DERL1: variants seen among roughly 807,000 people sequenced by gnomAD.
The protein encoded by DERL1 is derlin 1.
A neutral mutation model predicts 41.6 loss-of-function variants in DERL1; 24 were observed. That is an observed-to-expected ratio of 0.58 (90% CI 0.42 to 0.81). The LOEUF (loss-of-function observed/expected upper bound fraction) is 0.81, where lower values mean the gene tolerates loss of function less well. Ranked by LOEUF, DERL1 falls within the 30% of genes least tolerant of loss-of-function variation. The probability of loss-of-function intolerance (pLI) is 0.00; values close to 1 mark genes in which losing one functional copy is unlikely to be tolerated. For synonymous variants in DERL1, 124 were observed against 112.5 expected (o/e 1.10, Z -0.65); for missense variants, 260 against 314.3 (o/e 0.83, Z 1.31).
rs778478169 is a variant in DERL1 at position 123,030,701 on chromosome 8, T to C, written c.169A>G (p.Thr57Ala). The C allele has an allele frequency of 3.8e-5, 62 of 1,612,144 alleles. No individual in the cohort carries two copies. The highest frequency in any genetic ancestry group is 5.3e-5 in the Non-Finnish European group (62 of 1,178,944). The change falls in exon 2 of 8, where the codon ACT (threonine) becomes GCT (alanine). Residue 57 changes from threonine to alanine, a missense_variant. Transcript: ENST00000259512. Reference sequence around the variant, plus strand: ...CCCACAGGGAAATAAAAGGTGGCAGTGATTGGCCTCCAAATCTGTCCAGAT... The same window carrying C: ...CCCACAGGGAAATAAAAGGTGGCAGCGATTGGCCTCCAAATCTGTCCAGAT... ...LYRFQIWRPI[T>A]ATFYFPVGPG...
Position 123,030,655 on chromosome 8 carries a change from TAAAG to T in DERL1, c.211_214del (p.Leu71IlefsTer39). The stretch of plus-strand genomic sequence containing the variant: ...ATATAAGAAATATAAATTGACCAAA[TAAAG>T]AAATCCAGTTCCTGGACCCACAGGG... On this transcript the variant is annotated frameshift_variant, in exon 2 of 8. Coordinates refer to ENST00000259512, the MANE Select transcript of DERL1 (RefSeq NM_024295.6). LOFTEE classifies it high-confidence loss of function. 1 of 1,612,224 alleles carries T rather than the reference TAAAG, an allele frequency of 6.2e-7. No individual in the cohort carries two copies. Among genetic ancestry groups the T allele is most frequent in the Non-Finnish European group, 8.5e-7 (1 of 1,179,400 alleles).
intron 7 of DERL1, 47 bp from the exon 8 acceptor site, chr8:123,015,632 C>T: frequency 1.3e-6 from 2 of 1,573,996 alleles, no homozygotes; most frequent in Non-Finnish European, 1.7e-6. Flanking sequence ...AGAACAAAGT[C>T]ACTTCCACAT....
At position 123,023,697 on chromosome 8, in the gene DERL1, T is replaced by C; in HGVS notation, c.357+16A>G. The C allele has an allele frequency of 6.2e-7, 1 of 1,604,008 alleles. No individual in the cohort carries two copies. The highest frequency in any genetic ancestry group is 8.5e-7 in the Non-Finnish European group (1 of 1,175,392). ...ACAAATAAAAGGGCAAATAGATAGT[T>C]TAAATGGACACTTACCTGCATATCC... is the stretch of plus-strand genomic sequence containing the variant. On this transcript the variant is annotated intron_variant, in intron 4 of 7. Transcript: ENST00000259512.
rs758168395 is a variant in DERL1, at chr8:123,021,490, A to ACTG, written c.462_463insCAG (p.Tyr154_Leu155insGln). 1 of 1,613,842 alleles carries ACTG rather than the reference A, an allele frequency of 6.2e-7. No individual in the cohort carries two copies. The highest frequency in any genetic ancestry group is 8.5e-7 in the Non-Finnish European group (1 of 1,179,758). The stretch of plus-strand genomic sequence containing the variant: ...TTGAATCCAAGGATAACCCAGGGTA[A>ACTG]ATAGCAGGCCTAGGATGGAATGAAT... On this transcript the variant is annotated inframe_insertion, in exon 6 of 8. Coordinates refer to ENST00000259512, the MANE Select transcript of DERL1 (RefSeq NM_024295.6).
intron 1 of DERL1, among the ~76,000 whole-genome samples, chr8:123,041,473 T>C (rs1433904942): frequency 6.6e-6 from 1 of 152,168 alleles, no homozygotes; most frequent in African/African-American, 2.4e-5. Flanking sequence ...TGCAGAACAA[T>C]ACACTCGTTC....
intron 7 of DERL1, chr8:123,017,623 T>G (rs1814611268): frequency 6.6e-6 from 1 of 152,188 alleles, no homozygotes; most frequent in African/African-American, 2.4e-5. Flanking sequence ...GCAGAAGGAC[T>G]TCCCCCAACA....
rs1445620812 is a variant in DERL1 at position 123,015,459 on chromosome 8, A to G, written c.744T>C (p.Leu248=). The change falls in exon 8 of 8, where the codon CTT becomes CTC. Residue 248 remains leucine (L), a synonymous_variant. Coordinates refer to ENST00000259512, the MANE Select transcript of DERL1 (RefSeq NM_024295.6). ...CGAGGCCGCCCCTTCACTGGTCTCC[A>G]AGTCGAAAGCCCTGGCCCCAGTTGT... is the stretch of plus-strand genomic sequence containing the variant. The part of the protein sequence containing the change: ...GRHNWGQGFR[L]GDQ 6.2e-7 allele frequency: 1 copy of G among 1,613,002 alleles called. No homozygotes were observed. The highest frequency in any genetic ancestry group is 1.3e-5 in the African/African-American group (1 of 75,012).
intron 2 of DERL1, among the ~76,000 whole-genome samples, chr8:123,027,115 G>A (rs1382311106): frequency 6.6e-6 from 1 of 151,886 alleles, no homozygotes; most frequent in Non-Finnish European, 1.5e-5. Flanking sequence ...GACCAACATG[G>A]TGAAAACCTG....
At chr8:123,016,596 T>C (rs1361478617) in intron 7 of DERL1, 2 of 152,196 alleles carry the variant, frequency 1.3e-5, no homozygotes, top group African/African-American at 4.8e-5. Context: ...AATAACCCCA[T>C]GAGGTAGGCA....
chr8:123,037,725 G>A (rs992506983), intron 1 of DERL1, among the ~76,000 whole-genome samples: 3 of 152,186 alleles, frequency 2.0e-5, no homozygotes, highest in African/African-American at 7.2e-5. Flanking sequence ...TTGACTCAAC[G>A]AAATAGAAAC....
At chr8:123,023,327 G>C (rs1235442303) in intron 4 of DERL1, among the ~76,000 whole-genome samples, 1 of 152,172 alleles carries the variant, frequency 6.6e-6, no homozygotes, top group Admixed American at 6.5e-5. Flanking sequence ...GGAGGCCGAG[G>C]CAGGCGGATC....
At chr8:123,033,368 T>C (rs1399034253) in intron 1 of DERL1, among the ~76,000 whole-genome samples, 1 of 152,254 alleles carries the variant, frequency 6.6e-6, no homozygotes, top group Non-Finnish European at 1.5e-5. Context: ...TCATAGCTTT[T>C]AGAGTTGTCT....
rs1314675139 is a variant in DERL1, at chr8:123,015,030, T to C, written c.*417A>G. On this transcript the variant is annotated 3_prime_UTR_variant, in exon 8 of 8. Coordinates refer to ENST00000259512, the MANE Select transcript of DERL1 (RefSeq NM_024295.6). ...CAATTTTATGGGCAACCTCTTCTAG[T>C]TGCAAATGTGGGGGTTGGGAAAAGT... is the stretch of plus-strand genomic sequence containing the variant. 6.4e-6 allele frequency: 1 copy of C among 155,128 alleles called. No individual in the cohort carries two copies. The highest frequency in any genetic ancestry group is 1.4e-5 in the Non-Finnish European group (1 of 70,062). The allele number at this position is 155,128 out of a possible 1,614,324, so 9.6% of individuals were successfully genotyped here. A position where few individuals can be genotyped will look rare whatever the true frequency, so the allele number is the denominator to read the frequency against.
At chr8:123,026,279 A>G (rs1812688956) in intron 2 of DERL1, among the ~76,000 whole-genome samples, 2 of 152,116 alleles carry the variant, frequency 1.3e-5, no homozygotes, top group Admixed American at 1.3e-4. Flanking sequence ...TTCTAACACA[A>G]TTTCCCGATT....
intron 2 of DERL1, among the ~76,000 whole-genome samples, chr8:123,025,952 G>A (rs1812678431): frequency 6.6e-6 from 1 of 151,252 alleles, no homozygotes; most frequent in African/African-American, 2.4e-5. Flanking sequence ...AATTCCTAAT[G>A]CCTTCAGTTA....
chr8:123,041,048 A>G (rs2130501804), intron 1 of DERL1, among the ~76,000 whole-genome samples: 1 of 152,308 alleles, frequency 6.6e-6, no homozygotes, highest in African/African-American at 2.4e-5. Context: ...AATGAATGAG[A>G]CCACCTAAAG....
intron 1 of DERL1, among the ~76,000 whole-genome samples, chr8:123,036,080 C>T (rs1025919131): frequency 6.6e-6 from 1 of 152,082 alleles, no homozygotes; most frequent in African/African-American, 2.4e-5. Context: ...GGCACTTAAT[C>T]TTTAAAAAGA....
intron 1 of DERL1, among the ~76,000 whole-genome samples, chr8:123,041,749 ACC>A (rs1338043098): frequency 6.6e-6 from 1 of 151,742 alleles, no homozygotes; most frequent in Non-Finnish European, 1.5e-5. Flanking sequence ...AGTGAAGTCA[ACC>A]CCTCCCCACC....
chr8:123,040,526 C>T (rs1229124829), intron 1 of DERL1, among the ~76,000 whole-genome samples: 1 of 152,152 alleles, frequency 6.6e-6, no homozygotes. Context: ...GCAGCAGGGG[C>T]CTTGCAGGCC....
Sources: allele counts gnomAD v4.1 joint callset (sites outside exome capture counted in the v4.1 genomes callset), GRCh38; gene constraint gnomAD v4.1.1; transcripts MANE v1.5; gene names NCBI Gene and HGNC (gene_info 2026-07-23, HGNC 2026-07-21).